GPATCH2L: variants seen among roughly 807,000 people sequenced by gnomAD.
GPATCH2L encodes the protein G patch domain-containing protein 2-like.
GPATCH2L carries 31 observed loss-of-function variants against 57.4 expected under a neutral mutation model. The ratio of observed to expected loss-of-function variants is 0.54; its 90% CI spans 0.41 to 0.73. The LOEUF (loss-of-function observed/expected upper bound fraction) is 0.73. GPATCH2L is among the 30% of genes least tolerant of loss of function. The probability of loss-of-function intolerance (pLI) is 0.00; values close to 1 mark genes in which losing one functional copy is unlikely to be tolerated. For missense variants in GPATCH2L, 481 were observed against 599.9 expected (o/e 0.80, Z 2.07); for synonymous variants, 199 against 210.7 (o/e 0.94, Z 0.48).
intron 8 of GPATCH2L, among the ~76,000 whole-genome samples, chr14:76,182,007 G>A (rs1290127383): frequency 6.6e-6 from 1 of 152,102 alleles, no homozygotes; most frequent in African/African-American, 2.4e-5. Flanking sequence ...CTGAAGAAGT[G>A]GTATTTCTGT....
chr14:76,194,526 C>T (rs1201430279), intron 8 of GPATCH2L, among the ~76,000 whole-genome samples: 2 of 143,036 alleles, frequency 1.4e-5, no homozygotes, highest in East Asian at 2.1e-4. Context: ...CTTGCGTGCA[C>T]GCATGCATGC....
chr14:76,168,585 C>T (rs529336641), intron 3 of GPATCH2L, among the ~76,000 whole-genome samples: 543 of 152,260 alleles, frequency 3.6e-3, no homozygotes, highest in Non-Finnish European at 5.9e-3. Context: ...TGATGATAGG[C>T]GGCATGGACT....
intron 5 of GPATCH2L, chr14:76,176,414 G>A (rs12437310): frequency 0.81 from 473,057 of 582,390 alleles, 194,205 homozygotes; most frequent in South Asian, 0.87. Flanking sequence ...TTGGATCACT[G>A]GAGAATAATA....
At chr14:76,165,713 T>C (rs2038803002) in intron 2 of GPATCH2L, among the ~76,000 whole-genome samples, 1 of 152,162 alleles carries the variant, frequency 6.6e-6, no homozygotes, top group South Asian at 2.1e-4. Flanking sequence ...ATTTTTAAGA[T>C]TTAGTGTTGG....
In GPATCH2L at chr14:76,204,492, C is replaced by G. The variant is rs1438948544; in HGVS notation, c.*2641C>G. 1 of 152,150 alleles carries G rather than the reference C, an allele frequency of 6.6e-6. No individual in the cohort carries two copies. The highest frequency in any genetic ancestry group is 1.5e-5 in the Non-Finnish European group (1 of 68,030). 9.4% of individuals were successfully genotyped at this position (152,150 alleles called of 1,614,324 possible). A position where few individuals can be genotyped will look rare whatever the true frequency, so the allele number is the denominator to read the frequency against. ...GTATTCTGCTTGCTTTCTGTATTAA[C>G]CAGTTCCAGAGGATAGCCTTAGAAA... is the stretch of plus-strand genomic sequence containing the variant. On this transcript the variant is annotated 3_prime_UTR_variant, in exon 10 of 10. Coordinates refer to ENST00000261530, the MANE Select transcript of GPATCH2L (RefSeq NM_017926.4).
At chr14:76,193,742 A>G (rs144802267) in intron 8 of GPATCH2L, among the ~76,000 whole-genome samples, 55 of 152,218 alleles carry the variant, frequency 3.6e-4, no homozygotes, top group African/African-American at 1.2e-3. Flanking sequence ...TAACAGTAAC[A>G]TGGTTTAGCT....
chr14:76,157,560 A>G (rs1336578895), intron 2 of GPATCH2L, among the ~76,000 whole-genome samples: 1 of 152,242 alleles, frequency 6.6e-6, no homozygotes, highest in Non-Finnish European at 1.5e-5. Flanking sequence ...ATCAAAATGT[A>G]GAATTTTACT....
rs2139852222 is a variant in GPATCH2L, at chr14:76,213,762, GCTT to G, written c.*11917_*11919del. ...AGATTTCCTGTGTGCCCTTCTCTCA[GCTT>G]CTTCTAATGTTAACTTACATACCAA... On this transcript the variant is annotated 3_prime_UTR_variant, in exon 10 of 10. Coordinates refer to ENST00000261530, the MANE Select transcript of GPATCH2L (RefSeq NM_017926.4). 1 of 152,248 alleles carries G rather than the reference GCTT, an allele frequency of 6.6e-6. No individual in the cohort carries two copies. The highest frequency in any genetic ancestry group is 6.5e-5 in the Admixed American group (1 of 15,284). The allele number at this position is 152,248 out of a possible 1,614,324, so 9.4% of individuals were successfully genotyped here. A position where few individuals can be genotyped will look rare whatever the true frequency, so the allele number is the denominator to read the frequency against.
At chr14:76,187,121 G>C (rs1442618216) in intron 8 of GPATCH2L, among the ~76,000 whole-genome samples, 3 of 151,230 alleles carry the variant, frequency 2.0e-5, no homozygotes, top group African/African-American at 4.9e-5. Flanking sequence ...CCTCCTGACT[G>C]CTTAATAAAT....
intron 4 of GPATCH2L, among the ~76,000 whole-genome samples, chr14:76,172,572 A>T (rs1779897730): frequency 6.6e-6 from 1 of 152,208 alleles, no homozygotes; most frequent in Non-Finnish European, 1.5e-5. Context: ...AGAGATGGAA[A>T]TGTGGTGCTA....
At chr14:76,217,531 G>A (rs546782397), downstream of GPATCH2L, among the ~76,000 whole-genome samples, 10 of 151,832 alleles carry the variant, frequency 6.6e-5, no homozygotes, top group South Asian at 1.0e-3. Flanking sequence ...GACCAATAAT[G>A]TACTCTTCCA....
At chr14:76,178,309 G>T (rs1251926742) in intron 7 of GPATCH2L, 1 of 1,345,970 alleles carries the variant, frequency 7.4e-7, no homozygotes, top group South Asian at 1.3e-5. Flanking sequence ...AAGCCTAAAC[G>T]TATGGAGCAG....
Position 76,176,697 on chromosome 14 carries a change from G to T in GPATCH2L, c.1052+7G>T. On this transcript the variant is annotated splice_region_variant and intron_variant, in intron 6 of 9. Transcript: ENST00000261530. Reference sequence around the variant, plus strand: ...GTGACCCTCGGCAGAAAGAGTAAGTGCTTATGTATTTACTGGCTGTGCTAG... The same window carrying T: ...GTGACCCTCGGCAGAAAGAGTAAGTTCTTATGTATTTACTGGCTGTGCTAG... The T allele has an allele frequency of 6.3e-7, 1 of 1,577,550 alleles. No homozygotes were observed. Among genetic ancestry groups the T allele is most frequent in the African/African-American group, 1.3e-5 (1 of 74,332 alleles).
chr14:76,165,727 G>A (rs377214980), intron 2 of GPATCH2L, among the ~76,000 whole-genome samples: 1 of 152,170 alleles, frequency 6.6e-6, no homozygotes. Flanking sequence ...GTGTTGGAAG[G>A]ACATTTGGAA....
chr14:76,180,838 C>G lies in GPATCH2L; in HGVS notation c.1182C>G (p.His394Gln), dbSNP rs757472066. Reference protein sequence around the residue: ...DASHRRCSPAHCSARQANVHW... With the variant: ...DASHRRCSPAQCSARQANVHW... ...CTCACCGAAGGTGTTCACCAGCACA[C>G]TGCTCTGCCAGGTAATTGTCTTTTA... The change falls in exon 8 of 10, where the codon CAC becomes CAG. Residue 394 changes from histidine (H) to glutamine (Q), a missense_variant. Physicochemically the swap from His to Gln is conservative, Grantham distance 24. Around this residue, in one of 3 missense-constraint regions of GPATCH2L, gnomAD observed 248 missense variants for 270.5 expected, o/e 0.92. Coordinates refer to ENST00000261530, the MANE Select transcript of GPATCH2L (RefSeq NM_017926.4). 1 of 1,605,892 alleles carries G rather than the reference C, an allele frequency of 6.2e-7. No homozygotes were observed. The highest frequency in any genetic ancestry group is 8.5e-7 in the Non-Finnish European group (1 of 1,172,452).
At chr14:76,230,793 G>C (rs2040557800) in intron 2 of GPATCH2L, among the ~76,000 whole-genome samples, 1 of 152,214 alleles carries the variant, frequency 6.6e-6, no homozygotes, top group Non-Finnish European at 1.5e-5. Flanking sequence ...AGCGTGGCTA[G>C]AGAACAGGTG....
intron 3 of GPATCH2L, among the ~76,000 whole-genome samples, chr14:76,169,682 A>C (rs911608637): frequency 1.3e-5 from 2 of 152,226 alleles, no homozygotes; most frequent in Admixed American, 1.3e-4. Context: ...CTTGAGAACC[A>C]AAAAAATTCC....
chr14:76,196,084 C>T (rs1376563854), intron 9 of GPATCH2L, 112 bp downstream of exon 9: 3 of 851,758 alleles, frequency 3.5e-6, no homozygotes, highest in Non-Finnish European at 6.0e-6. Context: ...TCATTTTATT[C>T]CCACTTTACA....
intron 1 of GPATCH2L, among the ~76,000 whole-genome samples, chr14:76,221,001 G>C (rs2040512158): frequency 6.6e-6 from 1 of 150,778 alleles, no homozygotes; most frequent in Admixed American, 6.6e-5. Context: ...TTGGTTCTCT[G>C]AAAAGACTAA....
Sources: gnomAD v4.1 joint callset for allele counts (sites outside exome capture counted in the v4.1 genomes callset) on GRCh38, gnomAD v4.1.1 for gene constraint, gnomAD v4.1.1 regional missense constraint, MANE v1.5 for transcripts, NCBI Gene and HGNC (gene_info 2026-07-23, HGNC 2026-07-21) for gene names.